Variants in MYH14 observed in about 807,000 individuals in gnomAD.
MYH14 encodes the protein myosin-14.
In MYH14, 123 loss-of-function variants were observed where a neutral mutation model predicts 255.5. That is an observed-to-expected ratio of 0.48 (90% confidence interval 0.42 to 0.56). MYH14 has a LOEUF of 0.56. MYH14 is among the 20% of genes least tolerant of loss of function. The pLI is 0.00. For missense variants in MYH14, 2,423 were observed against 2,802.3 expected, an observed-to-expected ratio of 0.86 and a Z score of 3.06; for synonymous variants, 1,095 against 1,161.2, an observed-to-expected ratio of 0.94 and a Z score of 1.16.
At chr19:50,291,451 C>G (rs1306985821) in intron 36 of MYH14, among the ~76,000 whole-genome samples, 2 of 151,962 alleles carry the variant, frequency 1.3e-5, no homozygotes, top group Non-Finnish European at 2.9e-5. Flanking sequence ...CAGGCGTGCG[C>G]CATAATTTTT....
At chr19:50,256,246 T>G (rs2034586767) in intron 17 of MYH14, among the ~76,000 whole-genome samples, 1 of 152,080 alleles carries the variant, frequency 6.6e-6, no homozygotes, top group Non-Finnish European at 1.5e-5. Flanking sequence ...TCCACTGTAC[T>G]CCAGCCTGGG....
chr19:50,216,432 G>A (rs559841003), intron 2 of MYH14, among the ~76,000 whole-genome samples: 246 of 152,160 alleles, frequency 1.6e-3, no homozygotes, highest in Non-Finnish European at 3.0e-3. Context: ...GTGAGACCCC[G>A]TCTCTACTAA....
chr19:50,232,196 G>A (rs904669204), intron 10 of MYH14, 126 bp downstream of exon 10: 21 of 1,201,582 alleles, frequency 1.7e-5, no homozygotes, highest in South Asian at 1.7e-4. Context: ...AGGCACCGGG[G>A]CCAGAGCAGG....
intron 35 of MYH14, 116 bp downstream of exon 35, chr19:50,289,764 T>C: frequency 1.1e-6 from 1 of 918,100 alleles, no homozygotes; most frequent in Non-Finnish European, 1.6e-6. Context: ...CTCTGTCTCC[T>C]CCACCCGCCG....
intron 9 of MYH14, among the ~76,000 whole-genome samples, chr19:50,231,321 C>T (rs1285504206): frequency 6.6e-6 from 1 of 152,274 alleles, no homozygotes; most frequent in Non-Finnish European, 1.5e-5. Flanking sequence ...CCTGTGCTGA[C>T]TTGGGCCTGC....
intron 30 of MYH14, among the ~76,000 whole-genome samples, chr19:50,279,309 G>C (rs181401369): frequency 3.0e-4 from 45 of 152,200 alleles, no homozygotes; most frequent in African/African-American, 9.9e-4. Flanking sequence ...GTTGCAGCTC[G>C]TAGCATAATT....
In MYH14 at chr19:50,290,895, T is replaced by C. The variant is rs1200525339; in HGVS notation, c.4974T>C (p.Asp1658=). ...CCTGACCTCCTCTCCAGCTGAGAGA[T>C]GCAGAGGTGGAGCGGGATGAGGAGC... ...RRRQLAKQLR[D]AEVERDEERK... is the part of the protein sequence containing the mutation. Residue 1658 remains aspartate (D), a synonymous_variant, in exon 36 of 43, where the codon GAT becomes GAC. Transcript: ENST00000642316. 3 of 1,560,242 alleles carry C rather than the reference T, an allele frequency of 1.9e-6. No individual in the cohort carries two copies. The East Asian group carries it at 7.1e-5, about 37-fold the overall frequency.
Position 50,232,010 on chromosome 19 carries a change from C to T in MYH14, c.1054C>T (p.Leu352Phe). 1.9e-6 allele frequency: 3 copies of T among 1,613,826 alleles called. No homozygotes were observed. Among genetic ancestry groups the T allele is most frequent in the Non-Finnish European group, 2.5e-6 (3 of 1,179,910 alleles). The change falls in exon 10 of 43, where the codon CTC becomes TTC. Residue 352 changes from leucine (L) to phenylalanine (F), a missense_variant. Physicochemically the swap from Leu to Phe is conservative, Grantham distance 22. Transcript: ENST00000642316. The part of the protein sequence containing the change: ...PSSSPGQERE[L>F]FQETLESLRV... ...ATCCTCTCCCGGCCAGGAGCGGGAA[C>T]TCTTCCAGGAGACGCTGGAGTCGCT...
chr19:50,290,938 G>A lies in MYH14; in HGVS notation c.5017G>A (p.Ala1673Thr), dbSNP rs373329386. The change falls in exon 36 of 43, where the codon GCC becomes ACC. Residue 1673 changes from alanine (A) to threonine (T), a missense_variant. By Grantham distance (58) the Ala-to-Thr change is moderately conservative. Around this residue, in one of 3 missense-constraint regions of MYH14, gnomAD observed 1,513 missense variants for 1,674.8 expected, o/e 0.90. Transcript: ENST00000642316. ...RDEERKQRTL[A>T]VAARKKLEGE... ...TGAGGAGCGGAAGCAGCGCACTCTG[G>A]CCGTGGCTGCCCGCAAGAAGCTGGA... is the stretch of plus-strand genomic sequence containing the variant. 3 of 1,591,440 alleles carry A rather than the reference G, an allele frequency of 1.9e-6. No individual in the cohort carries two copies. Among genetic ancestry groups the A allele is most frequent in the African/African-American group, 1.3e-5 (1 of 74,636 alleles).
chr19:50,224,006 G>A (rs1600880964), intron 5 of MYH14, 148 bp from the exon 6 acceptor site: 2 of 732,862 alleles, frequency 2.7e-6, no homozygotes, highest in East Asian at 2.6e-5. Flanking sequence ...TGGTCCTCCA[G>A]GCCACCCTAC....
Position 50,229,641 on chromosome 19 carries a change from AAAAAC to A in MYH14, c.875-860_875-856del, listed in dbSNP as rs373430641. The stretch of plus-strand genomic sequence containing the variant: ...GGCAACAGAGCCAGACCCTGTCTAA[AAAAAC>A]AAAACAAAACAAAACAAAACAAACA... On this transcript the variant is annotated intron_variant, in intron 8 of 42. Coordinates refer to ENST00000642316, the MANE Select transcript of MYH14 (RefSeq NM_001145809.2). Among the ~76,000 whole-genome samples, 389 of 152,220 alleles carry A rather than the reference AAAAAC, an allele frequency of 2.6e-3. 4 individuals carry two copies. The highest frequency in any genetic ancestry group is 8.6e-3 in the African/African-American group (358 of 41,520).
chr19:50,258,757 C>T (rs1239949840), intron 18 of MYH14: 2 of 142,994 alleles, frequency 1.4e-5, no homozygotes, highest in African/African-American at 5.5e-5. Context: ...AACAAACAAA[C>T]AAACAAAAAC....
Position 50,225,571 on chromosome 19 carries a change from C to T in MYH14, c.718-14C>T. On this transcript the variant is annotated splice_polypyrimidine_tract_variant and intron_variant, in intron 6 of 42. Coordinates refer to ENST00000642316, the MANE Select transcript of MYH14 (RefSeq NM_001145809.2). ...TTCTCACTGACCTCATGCATCATCT[C>T]CTGTGCCCGGCAGGGTGAGCTGGAG... The T allele has an allele frequency of 1.2e-6, 2 of 1,610,430 alleles. No individual in the cohort carries two copies. The highest frequency in any genetic ancestry group is 1.7e-6 in the Non-Finnish European group (2 of 1,178,242).
chr19:50,213,775 T>C (rs1012264563), intron 2 of MYH14, among the ~76,000 whole-genome samples: 1 of 152,172 alleles, frequency 6.6e-6, no homozygotes, highest in African/African-American at 2.4e-5. Context: ...CAGAAGCTGA[T>C]AGTGGCTAAA....
At chr19:50,263,483 C>A in intron 22 of MYH14, 63 bp downstream of exon 22, 2 of 1,223,888 alleles carry the variant, frequency 1.6e-6, no homozygotes, top group Non-Finnish European at 2.3e-6. Context: ...GCTTGGTCTG[C>A]TTGACAAGTG....
chr19:50,278,828 A>G (rs894549876), intron 30 of MYH14, among the ~76,000 whole-genome samples: 1 of 151,720 alleles, frequency 6.6e-6, no homozygotes, highest in Non-Finnish European at 1.5e-5. Context: ...AAAAAAAAAA[A>G]AAACACAAAA....
chr19:50,259,380 A>T, intron 19 of MYH14, 115 bp downstream of exon 19: 2 of 1,359,624 alleles, frequency 1.5e-6, no homozygotes, highest in Non-Finnish European at 1.0e-6. Context: ...GCGCTGGGGA[A>T]GTTGAGGCAG....
intron 17 of MYH14, among the ~76,000 whole-genome samples, chr19:50,256,966 T>TA (rs1205258885): frequency 6.6e-6 from 1 of 152,226 alleles, no homozygotes; most frequent in African/African-American, 2.4e-5. Flanking sequence ...CATTTGCTGT[T>TA]ATTGTCATCA....
At chr19:50,227,232 T>C (rs1271460590) in intron 8 of MYH14, among the ~76,000 whole-genome samples, 4 of 151,940 alleles carry the variant, frequency 2.6e-5, no homozygotes, top group Non-Finnish European at 5.9e-5. Context: ...GTGGCACTCA[T>C]GGTGACCCAT....
Sources: allele counts gnomAD v4.1 joint callset (sites outside exome capture counted in the v4.1 genomes callset), GRCh38; gene constraint gnomAD v4.1.1; regional missense constraint gnomAD v4.1.1; transcripts MANE v1.5; gene names NCBI Gene and HGNC (gene_info 2026-07-23, HGNC 2026-07-21).